The following TERB1 variants were observed in gnomAD, a reference collection of about 807,000 sequenced individuals.
TERB1 encodes the protein telomere repeat binding bouquet formation protein 1.
TERB1 carries 63 observed loss-of-function variants against 92.3 expected under a neutral mutation model. The observed-to-expected ratio is 0.68, with a 90% CI of 0.56 to 0.84. TERB1 has a LOEUF of 0.84. TERB1 is among the 40% of genes least tolerant of loss of function. The probability of loss-of-function intolerance (pLI) is 0.00; values close to 1 mark genes in which losing one functional copy is unlikely to be tolerated. For synonymous variants in TERB1, 252 were observed against 283.9 expected (o/e 0.89, Z 1.13); for missense variants, 709 against 843.7 (o/e 0.84, Z 1.98).
intron 17 of TERB1, 150 bp downstream of exon 17, chr16:66,758,991 C>G: frequency 1.1e-6 from 1 of 920,674 alleles, no homozygotes; most frequent in South Asian, 1.7e-5. Context: ...AAGACTACTC[C>G]CTGGGTACAT....
At chr16:66,760,414 A>G (rs1180173339) in intron 16 of TERB1, among the ~76,000 whole-genome samples, 13 of 137,640 alleles carry the variant, frequency 9.4e-5, no homozygotes, top group Non-Finnish European at 1.7e-4. Flanking sequence ...AGCTGAGATC[A>G]CGACTGCACT....
At position 66,783,055 on chromosome 16, in the gene TERB1, T is replaced by C. The variant is rs188871752; in HGVS notation, c.700+2731A>G. Among the ~76,000 whole-genome samples the C allele has an allele frequency of 7.0e-4, 106 of 152,310 alleles. 1 individual carries two copies. The highest frequency in any genetic ancestry group is 1.2e-3 in the Non-Finnish European group (84 of 68,030). On this transcript the variant is annotated intron_variant, in intron 9 of 18. Coordinates refer to ENST00000433154, the MANE Select transcript of TERB1 (RefSeq NM_001136505.2). The stretch of plus-strand genomic sequence containing the variant: ...TTTCTGTAGATACAGGGTCTTTCTA[T>C]GTTGCCCAGGCTGGTCTTGAACTCC...
intron 16 of TERB1, among the ~76,000 whole-genome samples, chr16:66,762,446 T>C (rs1298484641): frequency 1.3e-5 from 2 of 152,078 alleles, no homozygotes; most frequent in Admixed American, 1.3e-4. Flanking sequence ...TGCAGTGGTA[T>C]GATCACAGCT....
Position 66,755,051 on chromosome 16 carries a change from C to A in TERB1, c.2109G>T (p.Gln703His). Residue 703 changes from glutamine to histidine, a missense_variant, in exon 19 of 19, where the codon CAG (glutamine) becomes CAT (histidine). By Grantham distance (24) the Gln-to-His change is conservative. Coordinates refer to ENST00000433154, the MANE Select transcript of TERB1 (RefSeq NM_001136505.2). ...WNSILWSFPFQQGRKAVDLAH... is the reference protein window; with the variant it reads ...WNSILWSFPFHQGRKAVDLAH... ...CAAGGTCCACAGCCTTCCGTCCTTGCTGAAAGGGGAAAGACCACAAAATTG... is the reference window on the plus strand; with the variant it reads ...CAAGGTCCACAGCCTTCCGTCCTTGATGAAAGGGGAAAGACCACAAAATTG... 6.4e-7 allele frequency: 1 copy of A among 1,551,694 alleles called. No individual in the cohort carries two copies. Among genetic ancestry groups the A allele is most frequent in the Non-Finnish European group, 8.7e-7 (1 of 1,146,984 alleles).
At chr16:66,790,470 C>T in intron 5 of TERB1, 125 bp downstream of exon 5, 2 of 617,708 alleles carry the variant, frequency 3.2e-6, no homozygotes, top group Non-Finnish European at 5.2e-6. Flanking sequence ...GGGAAGGAGG[C>T]TAGATAAAAT....
intron 2 of TERB1, among the ~76,000 whole-genome samples, chr16:66,797,638 C>T (rs1053323207): frequency 2.6e-5 from 4 of 151,002 alleles, no homozygotes; most frequent in Non-Finnish European, 4.4e-5. Context: ...CACACACACA[C>T]ACACACACAC....
chr16:66,761,508 G>A (rs1426555904), intron 16 of TERB1, among the ~76,000 whole-genome samples: 1 of 145,894 alleles, frequency 6.9e-6, no homozygotes, highest in African/African-American at 2.5e-5. Flanking sequence ...TAGGGTTGAA[G>A]GGTTGAGAGT....
chr16:66,772,241 A>C (rs1326077647), intron 13 of TERB1, among the ~76,000 whole-genome samples: 1 of 152,198 alleles, frequency 6.6e-6, no homozygotes, highest in Non-Finnish European at 1.5e-5. Context: ...GCATTTCGGG[A>C]GGCTAAGGCA....
At chr16:66,779,077 C>T in intron 9 of TERB1, 62 bp from the exon 10 acceptor site, 4 of 1,225,256 alleles carry the variant, frequency 3.3e-6, no homozygotes, top group Non-Finnish European at 4.3e-6. Flanking sequence ...TGGTTTTATT[C>T]AATAAATCTG....
At chr16:66,761,027 G>T (rs1306717786) in intron 16 of TERB1, among the ~76,000 whole-genome samples, 2 of 140,624 alleles carry the variant, frequency 1.4e-5, no homozygotes, top group Non-Finnish European at 3.0e-5. Flanking sequence ...CAGGAGAATC[G>T]CTTGAACCCG....
At chr16:66,778,834 C>CA in intron 10 of TERB1, 29 bp downstream of exon 10, 5 of 1,451,486 alleles carry the variant, frequency 3.4e-6, no homozygotes, top group Admixed American at 2.5e-5. Context: ...AATTCAATTT[C>CA]AAAAAAACTA....
chr16:66,780,832 A>T (rs1465193672), intron 9 of TERB1, among the ~76,000 whole-genome samples: 1 of 151,962 alleles, frequency 6.6e-6, no homozygotes, highest in Non-Finnish European at 1.5e-5. Flanking sequence ...ATAGATTCCA[A>T]TTTTTTTTGA....
At chr16:66,757,640 TG>T in intron 18 of TERB1, among the ~76,000 whole-genome samples, 1 of 152,320 alleles carries the variant, frequency 6.6e-6, no homozygotes, top group East Asian at 1.9e-4. Context: ...GAAATTTCCT[TG>T]AAAGTTTTGG....
At chr16:66,797,666 T>G (rs1959205123) in intron 2 of TERB1, among the ~76,000 whole-genome samples, 1 of 100,286 alleles carries the variant, frequency 1.0e-5, no homozygotes. Context: ...CACACACTCT[T>G]TAGATTGGCC....
intron 16 of TERB1, among the ~76,000 whole-genome samples, chr16:66,763,922 T>C (rs376428745): frequency 6.6e-6 from 1 of 152,138 alleles, no homozygotes; most frequent in Non-Finnish European, 1.5e-5. Flanking sequence ...ACAATAAAGA[T>C]GTGCAAAACC....
intron 16 of TERB1, among the ~76,000 whole-genome samples, chr16:66,763,766 T>C (rs547574679): frequency 7.2e-5 from 11 of 152,272 alleles, no homozygotes; most frequent in Non-Finnish European, 1.2e-4. Flanking sequence ...TAAAAAAAGA[T>C]AGATTGGTAG....
At chr16:66,769,161 G>C (rs1203351551) in intron 14 of TERB1, among the ~76,000 whole-genome samples, 2 of 151,962 alleles carry the variant, frequency 1.3e-5, no homozygotes, top group African/African-American at 4.8e-5. Flanking sequence ...AACTCTATAG[G>C]AGAAAGAAGG....
chr16:66,796,885 T>C, intron 2 of TERB1, 55 bp from the exon 3 acceptor site: 2 of 953,340 alleles, frequency 2.1e-6, no homozygotes, highest in African/African-American at 1.6e-5. Context: ...ATGGCAAAGA[T>C]ATAAGTACAA....
chr16:66,771,358 C>T (rs1045400611), intron 13 of TERB1, among the ~76,000 whole-genome samples: 1 of 152,154 alleles, frequency 6.6e-6, no homozygotes, highest in Non-Finnish European at 1.5e-5. Flanking sequence ...GATACATCTT[C>T]TGTGGTGAAA....
Sources: gnomAD v4.1 joint callset for allele counts (sites outside exome capture counted in the v4.1 genomes callset) on GRCh38, gnomAD v4.1.1 for gene constraint, MANE v1.5 for transcripts, NCBI Gene and HGNC (gene_info 2026-07-23, HGNC 2026-07-21) for gene names.